The following KSR2 variants were observed in gnomAD, a reference collection of about 807,000 sequenced individuals.
KSR2 encodes the protein kinase suppressor of ras 2.
Under a neutral mutation model 107.8 loss-of-function variants are expected in KSR2, and 25 were observed. The ratio of observed to expected loss-of-function variants is 0.23; its 90% CI spans 0.17 to 0.32. KSR2 has a LOEUF of 0.32. Among genes scored for constraint, KSR2 ranks in the 10% least tolerant of loss-of-function variants. KSR2 has a pLI of 1.00. For missense variants in KSR2, 887 were observed against 1,268.9 expected (o/e 0.70, Z 4.57); for synonymous variants, 480 against 507.0 (o/e 0.95, Z 0.71).
chr12:117,961,565 G>C (rs1470111923), intron 1 of KSR2, among the ~76,000 whole-genome samples: 1 of 148,598 alleles, frequency 6.7e-6, no homozygotes, highest in African/African-American at 2.5e-5. Flanking sequence ...TTTCCCTCTT[G>C]CTCTCTAGGA....
chr12:117,944,941 G>A (rs1243046247), intron 1 of KSR2, among the ~76,000 whole-genome samples: 1 of 152,038 alleles, frequency 6.6e-6, no homozygotes, highest in Non-Finnish European at 1.5e-5. Flanking sequence ...AGAGAAAATA[G>A]TTTTCAGAGC....
intron 1 of KSR2, among the ~76,000 whole-genome samples, chr12:117,879,044 A>C (rs1009792513): frequency 6.6e-6 from 1 of 152,136 alleles, no homozygotes; most frequent in African/African-American, 2.4e-5. Context: ...TCAGGCAATC[A>C]GGGAATTCAA....
chr12:117,704,732 G>A (rs1323192512), intron 4 of KSR2, among the ~76,000 whole-genome samples: 4 of 151,948 alleles, frequency 2.6e-5, no homozygotes, highest in African/African-American at 9.7e-5. Flanking sequence ...GGTGGCACAC[G>A]CTTGTAGTCT....
At chr12:117,851,125 T>C (rs897944853) in intron 3 of KSR2, among the ~76,000 whole-genome samples, 4 of 152,242 alleles carry the variant, frequency 2.6e-5, no homozygotes, top group Admixed American at 2.6e-4. Flanking sequence ...TAGGAATGGG[T>C]TAAAATGGAG....
chr12:117,890,506 T>C (rs1894307109), intron 1 of KSR2, among the ~76,000 whole-genome samples: 1 of 152,226 alleles, frequency 6.6e-6, no homozygotes, highest in Non-Finnish European at 1.5e-5. Flanking sequence ...AAACACTGCT[T>C]AGAAGTCTAG....
At chr12:117,910,000 G>A (rs1425205952) in intron 1 of KSR2, among the ~76,000 whole-genome samples, 4 of 151,992 alleles carry the variant, frequency 2.6e-5, no homozygotes, top group Non-Finnish European at 5.9e-5. Flanking sequence ...GGCTGAAGGA[G>A]GAGGAACATT....
chr12:117,475,774 G>T (rs549836013), intron 17 of KSR2, among the ~76,000 whole-genome samples: 5 of 152,296 alleles, frequency 3.3e-5, no homozygotes, highest in Non-Finnish European at 7.4e-5. Context: ...TTAGCAACTT[G>T]CTTTTAACAA....
chr12:117,922,117 C>T (rs186639201), intron 1 of KSR2, among the ~76,000 whole-genome samples: 2 of 152,258 alleles, frequency 1.3e-5, no homozygotes, highest in East Asian at 1.9e-4. Context: ...TCTCTGCAGG[C>T]GTGTTGATGC....
rs374967927 is a variant in KSR2 at position 117,858,882 on chromosome 12, T to C, written c.321+1409A>G. ...GGCTGAACAGTCTCAGCAGTTGAGA[T>C]CCTAAGTGCAAAACCCTTTGCACAA... On this transcript the variant is annotated intron_variant, in intron 2 of 19. Coordinates refer to ENST00000339824, the MANE Select transcript of KSR2 (RefSeq NM_173598.6). Among the ~76,000 whole-genome samples the C allele has an allele frequency of 3.0e-4, 46 of 152,306 alleles. No homozygotes were observed. The East Asian group carries it at 8.5e-3, about 28-fold the overall frequency.
intron 7 of KSR2, among the ~76,000 whole-genome samples, chr12:117,571,404 A>G (rs1257110733): frequency 2.0e-5 from 3 of 152,086 alleles, no homozygotes; most frequent in Non-Finnish European, 2.9e-5. Flanking sequence ...CATAAAATCT[A>G]TTTGTCTCAA....
intron 7 of KSR2, among the ~76,000 whole-genome samples, chr12:117,559,855 A>C (rs758811297): frequency 6.6e-6 from 1 of 152,162 alleles, no homozygotes; most frequent in Non-Finnish European, 1.5e-5. Flanking sequence ...TAAGTGCCCC[A>C]TTCGTATCCC....
At chr12:117,868,946 T>C (rs1893565415) in intron 1 of KSR2, among the ~76,000 whole-genome samples, 1 of 151,914 alleles carries the variant, frequency 6.6e-6, no homozygotes, top group African/African-American at 2.4e-5. Context: ...AGATGAGGTT[T>C]TGTGCCACGT....
intron 5 of KSR2, among the ~76,000 whole-genome samples, chr12:117,620,827 G>C (rs1882155543): frequency 1.3e-5 from 2 of 152,080 alleles, no homozygotes; most frequent in Non-Finnish European, 2.9e-5. Context: ...TTAACAATAA[G>C]TTCTGGGAAA....
chr12:117,476,257 T>A (rs1871770879), intron 17 of KSR2, among the ~76,000 whole-genome samples: 1 of 152,214 alleles, frequency 6.6e-6, no homozygotes, highest in Non-Finnish European at 1.5e-5. Context: ...TAAGGCCACA[T>A]AATCCATTAG....
At chr12:117,770,811 CAA>C (rs71450231) in intron 3 of KSR2, among the ~76,000 whole-genome samples, 10,834 of 137,886 alleles carry the variant, frequency 0.079, 411 homozygotes, top group East Asian at 0.12. Flanking sequence ...ACCAAAAATA[CAA>C]AAAAAAAAAA....
chr12:117,841,895 C>T (rs906855643), intron 3 of KSR2, among the ~76,000 whole-genome samples: 2 of 152,218 alleles, frequency 1.3e-5, no homozygotes, highest in Non-Finnish European at 1.5e-5. Context: ...GCAGGTGCTG[C>T]GTGACTTGGC....
At chr12:117,860,542 A>G in intron 1 of KSR2, 111 bp from the exon 2 acceptor site, 1 of 1,058,438 alleles carries the variant, frequency 9.4e-7, no homozygotes, top group Non-Finnish European at 1.3e-6. Flanking sequence ...ACTCTATTTT[A>G]AAGACTGGTT....
rs1369699846 is a variant in KSR2, at chr12:117,455,112, TG to T, written c.*12086del. On this transcript the variant is annotated 3_prime_UTR_variant, in exon 20 of 20. Transcript: ENST00000339824. ...AGAGGGATGCAGAGCAGGCCTGAGG[TG>T]GCCTGAGTACTGGTCTGACTCCAGC... The T allele has an allele frequency of 1.5e-5, 2 of 135,694 alleles. No homozygotes were observed. The highest frequency in any genetic ancestry group is 3.1e-5 in the Non-Finnish European group (2 of 65,000). 8.4% of individuals were successfully genotyped at this position (135,694 alleles called of 1,614,324 possible). A position where few individuals can be genotyped will look rare whatever the true frequency, so the allele number is the denominator to read the frequency against.
intron 8 of KSR2, among the ~76,000 whole-genome samples, chr12:117,556,697 G>A (rs112446558): frequency 2.1e-3 from 312 of 152,160 alleles, no homozygotes; most frequent in African/African-American, 7.0e-3. Flanking sequence ...CAGGGGAGAC[G>A]GGGGTGGGCA....
Sources: allele counts gnomAD v4.1 joint callset (sites outside exome capture counted in the v4.1 genomes callset), GRCh38; gene constraint gnomAD v4.1.1; transcripts MANE v1.5; gene names NCBI Gene and HGNC (gene_info 2026-07-23, HGNC 2026-07-21).